Variants in SULT4A1 observed in about 807,000 individuals in gnomAD.
The protein encoded by SULT4A1 is sulfotransferase family 4A member 1.
A neutral mutation model predicts 35.2 loss-of-function variants in SULT4A1; 11 were observed. The ratio of observed to expected loss-of-function variants is 0.31; its 90% CI spans 0.20 to 0.52. The LOEUF (loss-of-function observed/expected upper bound fraction) is 0.52. SULT4A1 is among the 20% of genes least tolerant of loss of function. The pLI is 0.97. For synonymous variants in SULT4A1, 152 were observed against 151.8 expected, an observed-to-expected ratio of 1.00 and a Z score of -0.01; for missense variants, 271 against 383.7, an observed-to-expected ratio of 0.71 and a Z score of 2.45.
At position 43,862,406 on chromosome 22, in the gene SULT4A1, C is replaced by G. The variant is rs1420783885; in HGVS notation, c.-24G>C. On this transcript the variant is annotated 5_prime_UTR_variant, in exon 1 of 7. Transcript: ENST00000330884. ...ATGCCGCCGCCGTCGCCGTCGCCGC[C>G]GCCGCCTCCCGGCTCGCAGCCCGCA... The G allele has an allele frequency of 8.3e-7, 1 of 1,201,324 alleles. No homozygotes were observed. Among genetic ancestry groups the G allele is most frequent in the East Asian group, 4.1e-5 (1 of 24,606 alleles). The allele number at this position is 1,201,324 out of a possible 1,614,324, so 74.4% of individuals were successfully genotyped here.
intron 1 of SULT4A1, among the ~76,000 whole-genome samples, chr22:43,854,253 A>G (rs936990530): frequency 6.6e-6 from 1 of 152,196 alleles, no homozygotes; most frequent in Non-Finnish European, 1.5e-5. Flanking sequence ...TGACATGGCC[A>G]ACAGAGACCT....
intron 6 of SULT4A1, chr22:43,826,390 C>T (rs1203671917): frequency 5.1e-6 from 5 of 984,802 alleles, no homozygotes; most frequent in Non-Finnish European, 6.0e-6. Flanking sequence ...ATTCCACACC[C>T]CCCGCTGGGG....
In SULT4A1 at chr22:43,829,062, C is replaced by T. The variant is rs373947609; in HGVS notation, c.740G>A (p.Arg247Gln). ...GGGAGGCAGGGTGGGGCACGTACCC[C>T]GGCCCACGGGCAGGGCCTCAGCGTT... ...CCNAEALPVG[R>Q]GRVGLWKDIF... Residue 247 changes from arginine to glutamine, a missense_variant and splice_region_variant, in exon 6 of 7, where the codon CGG (arginine) becomes CAG (glutamine). Arg to Gln is a conservative substitution (Grantham distance 43). This residue lies in a region of SULT4A1 where 32 missense variants were observed against 61.9 expected (regional missense o/e 0.52). Coordinates refer to ENST00000330884, the MANE Select transcript of SULT4A1 (RefSeq NM_014351.4). The T allele has an allele frequency of 5.2e-6, 8 of 1,526,480 alleles. No homozygotes were observed. The highest frequency in any genetic ancestry group is 4.2e-5 in the African/African-American group (3 of 72,148). The allele number at this position is 1,526,480 out of a possible 1,614,324, so 94.6% of individuals were successfully genotyped here. A position where few individuals can be genotyped will look rare whatever the true frequency, so the allele number is the denominator to read the frequency against.
chr22:43,855,941 T>A (rs1470348615), intron 1 of SULT4A1, among the ~76,000 whole-genome samples: 2 of 152,106 alleles, frequency 1.3e-5, no homozygotes, highest in Non-Finnish European at 2.9e-5. Flanking sequence ...CCCATGCAGG[T>A]GGCGAGAGGA....
At chr22:43,827,755 CCACA>C (rs3223292) in intron 6 of SULT4A1, 281 of 327,264 alleles carry the variant, frequency 8.6e-4, no homozygotes, top group South Asian at 1.9e-3. Flanking sequence ...CGCTGCTTCA[CCACA>C]CACACACACA....
chr22:43,862,114 A>T, intron 1 of SULT4A1, 100 bp downstream of exon 1: 1 of 866,300 alleles, frequency 1.2e-6, no homozygotes, highest in Non-Finnish European at 1.4e-6. Context: ...AAGGGCGACC[A>T]CCCGGCCCAG....
In SULT4A1 at chr22:43,826,943, G is replaced by C. The variant is rs552518712; in HGVS notation, c.743-830C>G. 4.1e-6 allele frequency: 4 copies of C among 985,332 alleles called. No homozygotes were observed. In the African/African-American group the frequency reaches 7.0e-5, roughly 17 times the overall value. 61.0% of individuals were successfully genotyped at this position (985,332 alleles called of 1,614,324 possible). Reference sequence around the variant, plus strand: ...AGCTGTGGGATAAACTGCAGGCACCGGTCTACGCTGGTTTATGAAGGCTTT... The same window carrying C: ...AGCTGTGGGATAAACTGCAGGCACCCGTCTACGCTGGTTTATGAAGGCTTT... On this transcript the variant is annotated intron_variant, in intron 6 of 6. Coordinates refer to ENST00000330884, the MANE Select transcript of SULT4A1 (RefSeq NM_014351.4).
intron 1 of SULT4A1, among the ~76,000 whole-genome samples, chr22:43,849,560 T>A (rs2063497757): frequency 2.0e-5 from 3 of 152,144 alleles, no homozygotes; most frequent in African/African-American, 7.2e-5. Flanking sequence ...AGGCTCATGG[T>A]GTAGCTTCGG....
At chr22:43,857,740 A>G (rs1266650406) in intron 1 of SULT4A1, among the ~76,000 whole-genome samples, 2 of 152,220 alleles carry the variant, frequency 1.3e-5, no homozygotes, top group Non-Finnish European at 2.9e-5. Context: ...GAACAAGCCA[A>G]CATTTCAGCA....
intron 5 of SULT4A1, 30 bp downstream of exon 5, chr22:43,833,610 C>T: frequency 6.4e-7 from 1 of 1,567,476 alleles, no homozygotes; most frequent in Non-Finnish European, 8.7e-7. Flanking sequence ...GCCAGGGCAC[C>T]CGGAGGACAG....
intron 1 of SULT4A1, among the ~76,000 whole-genome samples, chr22:43,855,446 G>A (rs2285168): frequency 0.2 from 30,837 of 152,100 alleles, 3,747 homozygotes; most frequent in East Asian, 0.47. Context: ...GGTCCCAGGA[G>A]AGTCTGGCTC....
chr22:43,839,873 T>C, intron 3 of SULT4A1, 72 bp downstream of exon 3: 1 of 1,406,370 alleles, frequency 7.1e-7, no homozygotes, highest in East Asian at 2.4e-5. Context: ...GACCTGCATG[T>C]GTATTGCACA....
chr22:43,834,369 G>T (rs11703929), intron 4 of SULT4A1, among the ~76,000 whole-genome samples: 470 of 59,408 alleles, frequency 7.9e-3, no homozygotes, highest in Middle Eastern at 0.024. Context: ...CCCCCACCGC[G>T]GCCCTGAGCT....
intron 1 of SULT4A1, among the ~76,000 whole-genome samples, chr22:43,857,968 T>G (rs2049420995): frequency 1.4e-5 from 2 of 144,726 alleles, no homozygotes; most frequent in African/African-American, 5.2e-5. Context: ...GAGGATTGCT[T>G]GAGCCCAGGA....
At chr22:43,858,177 A>G (rs1417746518) in intron 1 of SULT4A1, among the ~76,000 whole-genome samples, 2 of 152,034 alleles carry the variant, frequency 1.3e-5, no homozygotes, top group African/African-American at 4.8e-5. Context: ...AACTATGGCC[A>G]GCCATGGTGG....
chr22:43,854,889 G>A (rs968907524), intron 1 of SULT4A1, among the ~76,000 whole-genome samples: 5 of 152,278 alleles, frequency 3.3e-5, no homozygotes, highest in African/African-American at 9.6e-5. Flanking sequence ...AAGCACACCC[G>A]CTCACATGCC....
intron 1 of SULT4A1, among the ~76,000 whole-genome samples, chr22:43,857,378 A>C (rs1363028050): frequency 6.6e-6 from 1 of 151,414 alleles, no homozygotes; most frequent in Admixed American, 6.6e-5. Flanking sequence ...CTCAAAAAAA[A>C]AAAAAAAAAA....
chr22:43,838,823 C>G, intron 4 of SULT4A1, 44 bp downstream of exon 4: 1 of 1,610,990 alleles, frequency 6.2e-7, no homozygotes, highest in South Asian at 1.1e-5. Context: ...TCCACGACAA[C>G]AGACGGCTCC....
rs186802190 is a variant in SULT4A1 at position 43,862,403 on chromosome 22, C to T, written c.-21G>A. 0.018 allele frequency: 22,729 copies of T among 1,236,112 alleles called. 222 individuals carry two copies. Among genetic ancestry groups the T allele is most frequent in the Non-Finnish European group, 0.02 (19,367 of 969,668 alleles). The allele number at this position is 1,236,112 out of a possible 1,614,324, so 76.6% of individuals were successfully genotyped here. ...GCCATGCCGCCGCCGTCGCCGTCGC[C>T]GCCGCCGCCTCCCGGCTCGCAGCCC... is the stretch of plus-strand genomic sequence containing the variant. On this transcript the variant is annotated 5_prime_UTR_variant, in exon 1 of 7. Transcript: ENST00000330884.
Sources: allele counts gnomAD v4.1 joint callset (sites outside exome capture counted in the v4.1 genomes callset), GRCh38; gene constraint gnomAD v4.1.1; regional missense constraint gnomAD v4.1.1; transcripts MANE v1.5; gene names NCBI Gene and HGNC (gene_info 2026-07-23, HGNC 2026-07-21).